Variants in NRXN1 observed in about 807,000 individuals in gnomAD.
NRXN1 encodes the protein neurexin 1.
In NRXN1, 39 loss-of-function variants were observed where a neutral mutation model predicts 150.9. The observed-to-expected ratio is 0.26, with a 90% CI of 0.20 to 0.34. The LOEUF (loss-of-function observed/expected upper bound fraction) is 0.34. Among genes scored for constraint, NRXN1 ranks in the 10% least tolerant of loss-of-function variants. The probability of loss-of-function intolerance (pLI) is 1.00; values close to 1 mark genes in which losing one functional copy is unlikely to be tolerated. For synonymous variants in NRXN1, 924 were observed against 757.0 expected, an observed-to-expected ratio of 1.22 and a Z score of -3.62; for missense variants, 1,815 against 1,949.9, an observed-to-expected ratio of 0.93 and a Z score of 1.30.
chr2:50,489,482 G>A (rs757956678), intron 15 of NRXN1, among the ~76,000 whole-genome samples: 5 of 145,024 alleles, frequency 3.4e-5, no homozygotes, highest in South Asian at 2.1e-4. Context: ...TATGAGCAAC[G>A]CAACTTCTAT....
At chr2:50,004,684 G>C (rs905517528) in intron 21 of NRXN1, among the ~76,000 whole-genome samples, 1 of 152,210 alleles carries the variant, frequency 6.6e-6, no homozygotes, top group East Asian at 1.9e-4. Context: ...AAGGTAGGCC[G>C]AATTAATACA....
chr2:50,902,379 G>A (rs1272101479), intron 5 of NRXN1, among the ~76,000 whole-genome samples: 5 of 150,374 alleles, frequency 3.3e-5, no homozygotes, highest in African/African-American at 1.2e-4. Context: ...AGTTTTCTCG[G>A]GAACTGAAAA....
At chr2:51,000,850 G>A (rs1305496453) in intron 2 of NRXN1, among the ~76,000 whole-genome samples, 2 of 151,882 alleles carry the variant, frequency 1.3e-5, no homozygotes, top group Non-Finnish European at 2.9e-5. Context: ...TACAAAAGAT[G>A]AGAAATGACA....
intron 2 of NRXN1, among the ~76,000 whole-genome samples, chr2:51,009,862 G>T (rs1186519799): frequency 6.6e-6 from 1 of 151,758 alleles, no homozygotes; most frequent in Admixed American, 6.6e-5. Flanking sequence ...CCTGCATCTT[G>T]TTAGGATCCC....
intron 5 of NRXN1, among the ~76,000 whole-genome samples, chr2:50,915,661 G>T (rs568165523): frequency 6.6e-6 from 1 of 151,466 alleles, no homozygotes; most frequent in East Asian, 2.0e-4. Context: ...AAATAATAGG[G>T]TATTAATATG....
At chr2:50,703,083 A>C (rs1693977897) in intron 5 of NRXN1, among the ~76,000 whole-genome samples, 1 of 152,132 alleles carries the variant, frequency 6.6e-6, no homozygotes, top group Non-Finnish European at 1.5e-5. Flanking sequence ...CAAGCACTCT[A>C]TTACTGTTAG....
intron 21 of NRXN1, among the ~76,000 whole-genome samples, chr2:49,994,595 C>T (rs537828486): frequency 6.6e-6 from 1 of 152,236 alleles, no homozygotes; most frequent in African/African-American, 2.4e-5. Context: ...TGGTCACAAC[C>T]TACCTATAAG....
chr2:50,198,157 A>G (rs1397885363), intron 18 of NRXN1, among the ~76,000 whole-genome samples: 3 of 152,144 alleles, frequency 2.0e-5, no homozygotes, highest in Non-Finnish European at 4.4e-5. Context: ...TTTAATGCTG[A>G]GCTTTATCTT....
intron 5 of NRXN1, among the ~76,000 whole-genome samples, chr2:50,634,094 G>A (rs1405247294): frequency 6.6e-6 from 1 of 152,202 alleles, no homozygotes; most frequent in Non-Finnish European, 1.5e-5. Context: ...GTGGGATGGG[G>A]CTATGTCATG....
chr2:50,284,261 A>G (rs1347950777), intron 17 of NRXN1, among the ~76,000 whole-genome samples: 2 of 152,192 alleles, frequency 1.3e-5, no homozygotes, highest in African/African-American at 2.4e-5. Flanking sequence ...TCTTAATCCA[A>G]GGCCGATACT....
intron 17 of NRXN1, among the ~76,000 whole-genome samples, chr2:50,241,007 A>G (rs2065950894): frequency 6.6e-6 from 1 of 151,678 alleles, no homozygotes; most frequent in South Asian, 2.1e-4. Flanking sequence ...TTCAAAAATG[A>G]CATTCCTACC....
chr2:50,506,775 C>T, intron 12 of NRXN1, 158 bp from the exon 13 acceptor site: 1 of 753,516 alleles, frequency 1.3e-6, no homozygotes, highest in Admixed American at 2.9e-5. Context: ...AGAAAGGAAA[C>T]AGAGAAGAGG....
chr2:50,152,511 T>C (rs975076442), intron 18 of NRXN1, among the ~76,000 whole-genome samples: 1 of 151,816 alleles, frequency 6.6e-6, no homozygotes, highest in Non-Finnish European at 1.5e-5. Flanking sequence ...TTACACTATG[T>C]TTCCCGCAGC....
intron 17 of NRXN1, among the ~76,000 whole-genome samples, chr2:50,362,075 A>C (rs561445092): frequency 8.5e-5 from 13 of 152,334 alleles, no homozygotes; most frequent in African/African-American, 3.1e-4. Flanking sequence ...GCAATCAATA[A>C]ACTAGGTATT....
intron 19 of NRXN1, among the ~76,000 whole-genome samples, chr2:50,073,995 G>A (rs1696682278): frequency 6.6e-6 from 1 of 152,016 alleles, no homozygotes; most frequent in African/African-American, 2.4e-5. Flanking sequence ...TTTAAGGCCT[G>A]GAAAGTATGA....
chr2:51,017,503 C>CTTTTTTTTTTTTTTTTT (rs70958638), intron 2 of NRXN1, among the ~76,000 whole-genome samples: 1 of 44,302 alleles, frequency 2.3e-5, no homozygotes. Context: ...CCACATCTGG[C>CTTTTTTTTTTTTTTTTT]TTTTTTTTTT....
At chr2:50,233,267 G>A (rs549474626) in intron 18 of NRXN1, among the ~76,000 whole-genome samples, 11 of 151,946 alleles carry the variant, frequency 7.2e-5, no homozygotes, top group Non-Finnish European at 2.9e-5. Flanking sequence ...AATATTATAT[G>A]ACTTTGAGGT....
intron 17 of NRXN1, among the ~76,000 whole-genome samples, chr2:50,257,756 C>T (rs1485381113): frequency 1.3e-5 from 2 of 151,596 alleles, no homozygotes; most frequent in East Asian, 1.9e-4. Flanking sequence ...TAAAGAGTAT[C>T]GTTAAAGTGC....
intron 5 of NRXN1, among the ~76,000 whole-genome samples, chr2:50,851,553 A>G (rs1674521636): frequency 6.6e-6 from 1 of 152,020 alleles, no homozygotes; most frequent in Non-Finnish European, 1.5e-5. Flanking sequence ...GTACCTTGAC[A>G]CCTATCTCCA....
Sources: gnomAD v4.1 joint callset for allele counts (sites outside exome capture counted in the v4.1 genomes callset) on GRCh38, gnomAD v4.1.1 for gene constraint, MANE v1.5 for transcripts, NCBI Gene and HGNC (gene_info 2026-07-23, HGNC 2026-07-21) for gene names.